Variants in RNF138 observed in about 807,000 individuals in gnomAD.
RNF138 encodes the protein E3 ubiquitin-protein ligase RNF138.
A neutral mutation model predicts 31.0 loss-of-function variants in RNF138; 12 were observed. The ratio of observed to expected loss-of-function variants is 0.39; its 90% confidence interval spans 0.25 to 0.63. The LOEUF is 0.63. Among genes scored for constraint, RNF138 ranks in the 20% least tolerant of loss-of-function variants. The pLI is 0.52. For synonymous variants in RNF138, 105 were observed against 99.5 expected, an observed-to-expected ratio of 1.06 and a Z score of -0.33; for missense variants, 192 against 300.1, an observed-to-expected ratio of 0.64 and a Z score of 2.66.
chr18:32,120,363 A>G (rs1446326997), intron 4 of RNF138, among the ~76,000 whole-genome samples: 3 of 152,180 alleles, frequency 2.0e-5, no homozygotes, highest in African/African-American at 7.2e-5. Flanking sequence ...TTGTATTTTT[A>G]AAAAGCATTG....
intron 2 of RNF138, among the ~76,000 whole-genome samples, chr18:32,100,448 C>T (rs1213842473): frequency 6.6e-6 from 1 of 150,600 alleles, no homozygotes; most frequent in Non-Finnish European, 1.5e-5. Flanking sequence ...CAGGCATGTG[C>T]CACCACCACA....
intron 2 of RNF138, chr18:32,109,499 CAT>C (rs1270192158): frequency 6.6e-6 from 1 of 152,278 alleles, no homozygotes; most frequent in Non-Finnish European, 1.5e-5. Flanking sequence ...GCCTTGAACT[CAT>C]TGGCTCAAGA....
chr18:32,124,398 A>T (rs77146499), intron 5 of RNF138: 4,461 of 191,814 alleles, frequency 0.023, 221 homozygotes, highest in African/African-American at 0.098. Context: ...CAAGGGACAT[A>T]CAGTGACAGC....
chr18:32,110,580 C>CTG (rs2040110614), intron 2 of RNF138, among the ~76,000 whole-genome samples: 1 of 152,070 alleles, frequency 6.6e-6, no homozygotes. Flanking sequence ...CTCTCAACTT[C>CTG]TGTTAGTATA....
chr18:32,093,713 G>C (rs1032590712), intron 2 of RNF138, among the ~76,000 whole-genome samples: 1 of 152,176 alleles, frequency 6.6e-6, no homozygotes, highest in Admixed American at 6.6e-5. Flanking sequence ...GTGAGATAAC[G>C]CATGCGTTTG....
intron 2 of RNF138, among the ~76,000 whole-genome samples, chr18:32,108,697 G>T (rs1261520572): frequency 6.6e-6 from 1 of 151,974 alleles, no homozygotes; most frequent in Non-Finnish European, 1.5e-5. Context: ...TAGATGCAGG[G>T]TCTCACTCTT....
At chr18:32,111,644 C>A in intron 2 of RNF138, 110 bp from the exon 3 acceptor site, 1 of 885,714 alleles carries the variant, frequency 1.1e-6, no homozygotes. Context: ...ATATGAGTAG[C>A]CTAACTTATT....
intron 4 of RNF138, among the ~76,000 whole-genome samples, chr18:32,122,225 T>C (rs750837382): frequency 6.6e-6 from 1 of 152,172 alleles, no homozygotes; most frequent in Admixed American, 6.6e-5. Flanking sequence ...TGTGGAGAGA[T>C]AACATTGTTA....
intron 6 of RNF138, among the ~76,000 whole-genome samples, chr18:32,126,105 A>C (rs372818872): frequency 1.3e-5 from 2 of 152,004 alleles, no homozygotes; most frequent in East Asian, 2.0e-4. Context: ...ATTTAAACGT[A>C]AGGATATGGC....
At chr18:32,094,532 T>C (rs1163461382) in intron 2 of RNF138, among the ~76,000 whole-genome samples, 1 of 152,128 alleles carries the variant, frequency 6.6e-6, no homozygotes, top group Non-Finnish European at 1.5e-5. Context: ...GTGTGATGAT[T>C]GAGTGTTCAC....
chr18:32,127,660 A>G (rs2040404144), intron 7 of RNF138, among the ~76,000 whole-genome samples: 1 of 152,250 alleles, frequency 6.6e-6, no homozygotes, highest in South Asian at 2.1e-4. Flanking sequence ...CAATTTTATA[A>G]AGTAATTCTA....
rs2040479745 is a variant in RNF138 at position 32,131,537 on chromosome 18, T to A, written c.*2350T>A. 1 of 152,210 alleles carries A rather than the reference T, an allele frequency of 6.6e-6. No individual in the cohort carries two copies. The highest frequency in any genetic ancestry group is 1.5e-5 in the Non-Finnish European group (1 of 68,014). The allele number at this position is 152,210 out of a possible 1,614,324, so 9.4% of individuals were successfully genotyped here. A position where few individuals can be genotyped will look rare whatever the true frequency, so the allele number is the denominator to read the frequency against. The stretch of plus-strand genomic sequence containing the variant: ...TTATTTGAGATGTATTGCTTTATTT[T>A]TCAATTAAAAGTGGTTTTCTCCTAC... On this transcript the variant is annotated 3_prime_UTR_variant, in exon 8 of 8. Transcript: ENST00000261593.
intron 2 of RNF138, 24 bp downstream of exon 2, chr18:32,092,910 C>T: frequency 1.4e-6 from 2 of 1,398,742 alleles, no homozygotes; most frequent in Non-Finnish European, 1.9e-6. Context: ...CCCTCCCCCT[C>T]GCGGAGCCGG....
chr18:32,126,639 ATAATAT>A (rs1164800626), intron 6 of RNF138, 48 bp from the exon 7 acceptor site: 3 of 1,091,008 alleles, frequency 2.7e-6, no homozygotes, highest in Non-Finnish European at 4.1e-6. Flanking sequence ...TGTCAATTGT[ATAATAT>A]TTCATTGTTT....
chr18:32,114,155 T>A (rs75357756), intron 4 of RNF138, among the ~76,000 whole-genome samples: 5,537 of 152,300 alleles, frequency 0.036, 214 homozygotes, highest in East Asian at 0.24. Context: ...TTACTGATTT[T>A]GCAACTGAAA....
At chr18:32,114,469 T>G (rs2040183131) in intron 4 of RNF138, among the ~76,000 whole-genome samples, 1 of 152,186 alleles carries the variant, frequency 6.6e-6, no homozygotes, top group Non-Finnish European at 1.5e-5. Flanking sequence ...AACATCCAGT[T>G]ACCTATTAAC....
chr18:32,092,630 G>T (rs1265798371), intron 1 of RNF138, 70 bp from the exon 2 acceptor site: 11 of 591,102 alleles, frequency 1.9e-5, no homozygotes, highest in Non-Finnish European at 3.3e-5. Flanking sequence ...GCCCTACCCA[G>T]GGCCCCGCCC....
chr18:32,100,988 A>T (rs551655065), intron 2 of RNF138, among the ~76,000 whole-genome samples: 1 of 152,288 alleles, frequency 6.6e-6, no homozygotes, highest in Non-Finnish European at 1.5e-5. Flanking sequence ...TAAGAGAGGG[A>T]TCAGATCTAG....
chr18:32,096,457 C>T (rs570914596), intron 2 of RNF138, among the ~76,000 whole-genome samples: 15 of 151,836 alleles, frequency 9.9e-5, no homozygotes, highest in African/African-American at 3.6e-4. Flanking sequence ...ATCTGGAATA[C>T]ATGGAGCTAA....
Sources: allele counts gnomAD v4.1 joint callset (sites outside exome capture counted in the v4.1 genomes callset), GRCh38; gene constraint gnomAD v4.1.1; transcripts MANE v1.5; gene names NCBI Gene and HGNC (gene_info 2026-07-23, HGNC 2026-07-21).